FAT1: variants seen among roughly 807,000 people sequenced by gnomAD.
FAT1 encodes FAT atypical cadherin 1, also known as protocadherin Fat 1.
Under a neutral mutation model 329.8 loss-of-function variants are expected in FAT1, and 171 were observed. The observed-to-expected ratio is 0.52, with a 90% confidence interval of 0.46 to 0.59. The LOEUF (loss-of-function observed/expected upper bound fraction) is 0.59, where lower values mean the gene tolerates loss of function less well. FAT1 is among the 20% of genes least tolerant of loss of function. The pLI is 0.00. For missense variants in FAT1, 5,672 were observed against 5,774.4 expected (o/e 0.98, Z 0.57); for synonymous variants, 2,233 against 2,228.6 (o/e 1.00, Z -0.06).
In FAT1 at chr4:186,628,209, C is replaced by T. The variant is rs376503868; in HGVS notation, c.4755G>A (p.Thr1585=). 352 of 1,613,828 alleles carry T rather than the reference C, an allele frequency of 2.2e-4. 5 individuals carry two copies. In the South Asian group the frequency reaches 3.3e-3, roughly 15 times the overall value. The change falls in exon 9 of 27, where the codon ACG becomes ACA. Residue 1585 remains threonine (T), a synonymous_variant. Transcript: ENST00000441802. ...TTTTCCCTTTGTCCTTGTCCAGAGC[C>T]GTCACCTGCAACACAACTGAGCCAA... ...AAVGSVVLQV[T]ALDKDKGKNA...
At chr4:186,688,239 G>A (rs970743276) in intron 2 of FAT1, among the ~76,000 whole-genome samples, 1 of 151,722 alleles carries the variant, frequency 6.6e-6, no homozygotes, top group Non-Finnish European at 1.5e-5. Context: ...ACTCAACAGA[G>A]GCACCCACAG....
At position 186,595,683 on chromosome 4, in the gene FAT1, C is replaced by T. The variant is rs1397423013; in HGVS notation, c.13138+6G>A. ...AGCGCAGTGTTGCAGCACACTGCTG[C>T]CTCACCATTGTCATCGCACGATTCG... On this transcript the variant is annotated splice_donor_region_variant and intron_variant, in intron 26 of 26. Transcript: ENST00000441802. 1.2e-6 allele frequency: 2 copies of T among 1,613,750 alleles called. No individual in the cohort carries two copies. Among genetic ancestry groups the T allele is most frequent in the Admixed American group, 1.7e-5 (1 of 60,016 alleles).
In FAT1 at chr4:186,619,677, A is replaced by G. The variant is rs2126508011; in HGVS notation, c.6909T>C (p.Val2303=). 1 of 1,614,006 alleles carries G rather than the reference A, an allele frequency of 6.2e-7. No homozygotes were observed. The highest frequency in any genetic ancestry group is 8.5e-7 in the Non-Finnish European group (1 of 1,179,894). The change falls in exon 10 of 27, where the codon GTT becomes GTC. Residue 2303 remains valine, a synonymous_variant. Coordinates refer to ENST00000441802, the MANE Select transcript of FAT1 (RefSeq NM_005245.4). ...SEASVIGTSV[V]QVRATDSDSE... is the part of the protein sequence containing the mutation. ...AATCAGAATCGGTGGCTCTAACTTG[A>G]ACAACAGACGTTCCAATTACAGATG...
At chr4:186,649,688 C>T (rs577061787) in intron 3 of FAT1, among the ~76,000 whole-genome samples, 434 of 152,222 alleles carry the variant, frequency 2.9e-3, no homozygotes, top group Non-Finnish European at 3.9e-3. Flanking sequence ...GGGAGCCAGG[C>T]CCTCACGGCA....
chr4:186,713,875 C>T (rs1187792442), intron 1 of FAT1, among the ~76,000 whole-genome samples: 3 of 152,086 alleles, frequency 2.0e-5, no homozygotes, highest in Admixed American at 1.3e-4. Flanking sequence ...TTTATAGAGA[C>T]GGGGTTTCAC....
In FAT1 at chr4:186,614,217, TCTGCAC is replaced by T. The variant is rs1362594348; in HGVS notation, c.9197_9202del (p.Gly3066_Ala3067del). ...TGTGTCTGGATTTAGTTTGAATTTT[TCTGCAC>T]CTGAACCCAATAACGTGTAAGTAAT... On this transcript the variant is annotated inframe_deletion, in exon 12 of 27. Transcript: ENST00000441802. The T allele has an allele frequency of 1.4e-5, 22 of 1,599,758 alleles. No individual in the cohort carries two copies. Among genetic ancestry groups the T allele is most frequent in the Non-Finnish European group, 1.9e-5 (22 of 1,175,910 alleles).
In FAT1 at chr4:186,595,501, T is replaced by A. The variant is rs2306987; in HGVS notation, c.13138+188A>T. 0.3 allele frequency among the ~76,000 whole-genome samples: 45,612 copies of A among 152,068 alleles called. 7,167 individuals carry two copies. The highest frequency in any genetic ancestry group is 0.4 in the Middle Eastern group (118 of 294). ...ACTGACAAGTTCAAACACCTATTCATTAAGAACAGTTTGGCTATTTTCCCC... is the reference window on the plus strand; with the variant it reads ...ACTGACAAGTTCAAACACCTATTCAATAAGAACAGTTTGGCTATTTTCCCC... On this transcript the variant is annotated intron_variant, in intron 26 of 26. Transcript: ENST00000441802.
At chr4:186,654,124 G>A (rs1344895072) in intron 3 of FAT1, among the ~76,000 whole-genome samples, 1 of 152,188 alleles carries the variant, frequency 6.6e-6, no homozygotes, top group Non-Finnish European at 1.5e-5. Context: ...GCGGCAGCCA[G>A]GAAATTCACA....
chr4:186,595,889 C>A, intron 25 of FAT1, 63 bp from the exon 26 acceptor site: 1 of 1,566,950 alleles, frequency 6.4e-7, no homozygotes, highest in Admixed American at 1.7e-5. Context: ...ACCGCTGAAT[C>A]CTGAGACACA....
chr4:186,714,200 G>A (rs560529394), intron 1 of FAT1, among the ~76,000 whole-genome samples: 129 of 152,256 alleles, frequency 8.5e-4, no homozygotes, highest in African/African-American at 2.9e-3. Flanking sequence ...CAACACAGGT[G>A]GAGCGCGTGT....
At chr4:186,597,660 A>G in intron 24 of FAT1, 22 bp downstream of exon 24, 2 of 1,589,044 alleles carry the variant, frequency 1.3e-6, no homozygotes, top group Non-Finnish European at 1.7e-6. Flanking sequence ...TATGAACCTA[A>G]ATTTTGAAAG....
rs2126347286 is a variant in FAT1 at position 186,588,635 on chromosome 4, A to C, written c.13724T>G (p.Val4575Gly). Reference sequence around the variant, plus strand: ...CTGGGAATCCAGGGGCGGGATCGTCACCTCTTCGAAGTGGCCGTCGTCCCC... The same window carrying C: ...CTGGGAATCCAGGGGCGGGATCGTCCCCTCTTCGAAGTGGCCGTCGTCCCC... ...ESGDDGHFEE[V>G]TIPPLDSQQH... Residue 4575 changes from valine (V) to glycine (G), a missense_variant, in exon 27 of 27, where the codon GTG becomes GGG. By Grantham distance (109) the Val-to-Gly change is moderately radical. Transcript: ENST00000441802. 1 of 1,613,608 alleles carries C rather than the reference A, an allele frequency of 6.2e-7. No individual in the cohort carries two copies. The highest frequency in any genetic ancestry group is 1.1e-5 in the South Asian group (1 of 91,044).
At chr4:186,617,284 GATGT>G in intron 10 of FAT1, 83 bp from the exon 11 acceptor site, 2 of 945,260 alleles carry the variant, frequency 2.1e-6, no homozygotes, top group Non-Finnish European at 3.1e-6. Flanking sequence ...CTGTACAAAA[GATGT>G]ATAATGTTAT....
intron 11 of FAT1, among the ~76,000 whole-genome samples, chr4:186,614,861 T>G (rs73873661): frequency 0.014 from 1,455 of 100,758 alleles, 28 homozygotes; most frequent in African/African-American, 0.096. Flanking sequence ...GGGACTCTGA[T>G]GAAGGCTGAG....
Position 186,603,737 on chromosome 4 carries a change from C to T in FAT1, c.10789G>A (p.Gly3597Ser), listed in dbSNP as rs973874380. Residue 3597 changes from glycine (G) to serine (S), a missense_variant, in exon 19 of 27, where the codon GGC (glycine) becomes AGC (serine). Around this residue, in one of 2 missense-constraint regions of FAT1, gnomAD observed 1,706 missense variants for 1,859.1 expected, o/e 0.92. Transcript: ENST00000441802. ...AGCTTTTTGTGTGCTATCAGCTTGCCCCCTGTGCTGGAAACAGAGAACAGG... is the reference window on the plus strand; with the variant it reads ...AGCTTTTTGTGTGCTATCAGCTTGCTCCCTGTGCTGGAAACAGAGAACAGG... Reference protein sequence around the residue: ...DNLFSVSSTGGKLIAHKKLDI... With the variant: ...DNLFSVSSTGSKLIAHKKLDI... The T allele has an allele frequency of 3.1e-6, 5 of 1,613,886 alleles. No individual in the cohort carries two copies. Among genetic ancestry groups the T allele is most frequent in the Non-Finnish European group, 4.2e-6 (5 of 1,179,870 alleles).
At chr4:186,701,518 G>C (rs762532449) in intron 2 of FAT1, among the ~76,000 whole-genome samples, 1 of 152,220 alleles carries the variant, frequency 6.6e-6, no homozygotes, top group Non-Finnish European at 1.5e-5. Context: ...ACTCTCTGCC[G>C]GGCCTCCCAC....
At chr4:186,701,707 G>C (rs932719382) in intron 2 of FAT1, among the ~76,000 whole-genome samples, 1 of 152,216 alleles carries the variant, frequency 6.6e-6, no homozygotes, top group African/African-American at 2.4e-5. Flanking sequence ...GTCACAGGAG[G>C]ACGTGCAGCA....
At chr4:186,649,944 G>T (rs971919217) in intron 3 of FAT1, among the ~76,000 whole-genome samples, 2 of 152,162 alleles carry the variant, frequency 1.3e-5, no homozygotes, top group Non-Finnish European at 2.9e-5. Context: ...TTTTCTAAAA[G>T]AATTGGGTAA....
intron 13 of FAT1, among the ~76,000 whole-genome samples, chr4:186,612,315 T>G (rs1739489023): frequency 6.6e-6 from 1 of 152,104 alleles, no homozygotes; most frequent in South Asian, 2.1e-4. Context: ...CTAACAAACC[T>G]TTACAAATCA....
Sources: gnomAD v4.1 joint callset for allele counts (sites outside exome capture counted in the v4.1 genomes callset) on GRCh38, gnomAD v4.1.1 for gene constraint, gnomAD v4.1.1 regional missense constraint, MANE v1.5 for transcripts, NCBI Gene and HGNC (gene_info 2026-07-23, HGNC 2026-07-21) for gene names.